Variants in DLGAP5 observed in about 807,000 individuals in gnomAD.
The protein encoded by DLGAP5 is DLG associated protein 5, also known as disks large-associated protein 5.
DLGAP5 carries 90 observed loss-of-function variants against 99.6 expected under a neutral mutation model. The observed-to-expected ratio is 0.90, with a 90% CI of 0.76 to 1.08. The LOEUF (loss-of-function observed/expected upper bound fraction) is 1.08. DLGAP5 is among the 50% of genes least tolerant of loss of function. The probability of loss-of-function intolerance (pLI) is 0.00; values close to 1 mark genes in which losing one functional copy is unlikely to be tolerated. For synonymous variants in DLGAP5, 311 were observed against 321.3 expected, an observed-to-expected ratio of 0.97 and a Z score of 0.34; for missense variants, 1,036 against 983.5, an observed-to-expected ratio of 1.05 and a Z score of -0.71.
intron 7 of DLGAP5, among the ~76,000 whole-genome samples, chr14:55,178,158 A>C (rs907984997): frequency 6.6e-6 from 1 of 151,952 alleles, no homozygotes; most frequent in African/African-American, 2.4e-5. Flanking sequence ...AGGCTGAGGC[A>C]GGAGAATGGT....
At chr14:55,164,642 C>T (rs984187670) in intron 12 of DLGAP5, among the ~76,000 whole-genome samples, 2 of 152,018 alleles carry the variant, frequency 1.3e-5, no homozygotes, top group African/African-American at 4.8e-5. Context: ...AAAAAAATGG[C>T]CGGGTGCAGT....
rs141808593 is a variant in DLGAP5, at chr14:55,176,567, A to G, written c.1049+495T>C. On this transcript the variant is annotated intron_variant, in intron 8 of 18. Transcript: ENST00000247191. Reference sequence around the variant, plus strand: ...AAATAACAATGCATAGGAAATATAAAAACTGTCAATTACATTATTGTACCT... The same window carrying G: ...AAATAACAATGCATAGGAAATATAAGAACTGTCAATTACATTATTGTACCT... Among the ~76,000 whole-genome samples, 201 of 152,170 alleles carry G rather than the reference A, an allele frequency of 1.3e-3. 1 individual carries two copies. The highest frequency in any genetic ancestry group is 4.8e-3 in the African/African-American group (197 of 41,444).
intron 15 of DLGAP5, among the ~76,000 whole-genome samples, chr14:55,154,264 A>T (rs1882123473): frequency 6.6e-6 from 1 of 152,120 alleles, no homozygotes; most frequent in Non-Finnish European, 1.5e-5. Context: ...AAGTGAAGCT[A>T]AAGAGAATTA....
intron 13 of DLGAP5, among the ~76,000 whole-genome samples, chr14:55,162,549 G>A (rs1882482850): frequency 1.3e-5 from 2 of 152,006 alleles, no homozygotes; most frequent in Non-Finnish European, 1.5e-5. Context: ...AACCCGGGAG[G>A]CGGAGCTGGC....
intron 11 of DLGAP5, among the ~76,000 whole-genome samples, chr14:55,170,501 A>G (rs1479171608): frequency 2.0e-5 from 3 of 152,242 alleles, no homozygotes; most frequent in Non-Finnish European, 4.4e-5. Context: ...CCATTTTAGC[A>G]CAGATGTTAG....
chr14:55,175,072 C>T lies in DLGAP5; in HGVS notation c.1301+274G>A, dbSNP rs1224944430. Among the ~76,000 whole-genome samples, 7 of 152,258 alleles carry T rather than the reference C, an allele frequency of 4.6e-5. No homozygotes were observed. In the East Asian group the frequency reaches 7.7e-4, roughly 17 times the overall value. On this transcript the variant is annotated intron_variant, in intron 10 of 18. Coordinates refer to ENST00000247191, the MANE Select transcript of DLGAP5 (RefSeq NM_014750.5). ...CATGAACTATCCATGGAAGTATTCACAAGAAATGAGTAACACTTGCCTTCA... is the reference window on the plus strand; with the variant it reads ...CATGAACTATCCATGGAAGTATTCATAAGAAATGAGTAACACTTGCCTTCA...
At chr14:55,189,462 T>C (rs1362880367) in intron 1 of DLGAP5, among the ~76,000 whole-genome samples, 1 of 150,734 alleles carries the variant, frequency 6.6e-6, no homozygotes, top group Admixed American at 6.6e-5. Flanking sequence ...CAGAGAACAC[T>C]GCAAAAAGAA....
rs542707136 is a variant in DLGAP5, at chr14:55,160,620, T to C, written c.1654-1879A>G. ...CCGCCACCATGCCTGGCTAATTTTT[T>C]ATTTTTAGTAGAGACAGGGTACACC... On this transcript the variant is annotated intron_variant, in intron 13 of 18. Transcript: ENST00000247191. Among the ~76,000 whole-genome samples the C allele has an allele frequency of 2.2e-3, 331 of 151,682 alleles. 1 individual carries two copies. Among genetic ancestry groups the C allele is most frequent in the Non-Finnish European group, 3.7e-3 (252 of 67,874 alleles).
chr14:55,183,782 A>G lies in DLGAP5; in HGVS notation c.239-29T>C, dbSNP rs182758902. 1.9e-3 allele frequency: 2,796 copies of G among 1,509,296 alleles called. 5 individuals carry two copies. Among genetic ancestry groups the G allele is most frequent in the Non-Finnish European group, 2.2e-3 (2,531 of 1,131,924 alleles). The allele number at this position is 1,509,296 out of a possible 1,614,324, so 93.5% of individuals were successfully genotyped here. A position where few individuals can be genotyped will look rare whatever the true frequency, so the allele number is the denominator to read the frequency against. ...GGCAGAAAAAAAACCAAAACCACAC[A>G]GTATATAAAACATTTCAGATGAAAA... On this transcript the variant is annotated intron_variant, in intron 2 of 18. Transcript: ENST00000247191.
intron 9 of DLGAP5, 69 bp downstream of exon 9, chr14:55,175,825 A>T: frequency 7.4e-7 from 1 of 1,344,442 alleles, no homozygotes; most frequent in Non-Finnish European, 1.0e-6. Context: ...TAATTACTAT[A>T]CCTGAAAGCA....
intron 10 of DLGAP5, among the ~76,000 whole-genome samples, chr14:55,175,030 A>G (rs116359248): frequency 6.6e-6 from 1 of 152,188 alleles, no homozygotes; most frequent in Non-Finnish European, 1.5e-5. Context: ...TGTACATGTT[A>G]TATTTGTCTA....
chr14:55,169,274 T>TATTTTATTATTACATTATATTTTATTAAA (rs2140316896), intron 12 of DLGAP5, 125 bp downstream of exon 12: 1 of 544,362 alleles, frequency 1.8e-6, no homozygotes, highest in East Asian at 3.4e-5. Flanking sequence ...TCAAAGTGCT[T>TATTTTATTATTACATTATATTTTATTAAA]TATAACATCT....
chr14:55,156,876 G>A (rs1412230996), intron 14 of DLGAP5, among the ~76,000 whole-genome samples: 1 of 152,168 alleles, frequency 6.6e-6, no homozygotes, highest in Non-Finnish European at 1.5e-5. Context: ...AAGGGCTCTT[G>A]GGAATTAAAA....
chr14:55,177,171 A>G lies in DLGAP5; in HGVS notation c.940T>C (p.Phe314Leu). The G allele has an allele frequency of 1.2e-6, 2 of 1,612,672 alleles. No individual in the cohort carries two copies. Among genetic ancestry groups the G allele is most frequent in the Non-Finnish European group, 1.7e-6 (2 of 1,179,608 alleles). The change falls in exon 8 of 19, where the codon TTT (phenylalanine) becomes CTT (leucine). Residue 314 changes from phenylalanine to leucine, a missense_variant. Physicochemically the swap from Phe to Leu is conservative, Grantham distance 22 (BLOSUM62 0). Transcript: ENST00000247191. ...GTCTTCAGACCATCCAGTGGCTGAAACATAAAATCCTTAGGTGCAAAGGAA... is the reference window on the plus strand; with the variant it reads ...GTCTTCAGACCATCCAGTGGCTGAAGCATAAAATCCTTAGGTGCAAAGGAA... ...KNSFAPKDFM[F>L]QPLDGLKTYQ...
At chr14:55,164,702 A>C (rs901418103) in intron 12 of DLGAP5, among the ~76,000 whole-genome samples, 3 of 152,074 alleles carry the variant, frequency 2.0e-5, no homozygotes, top group African/African-American at 7.2e-5. Flanking sequence ...CAGGTGGATC[A>C]CTTGAGGTCA....
At position 55,189,183 on chromosome 14, in the gene DLGAP5, G is replaced by C. The variant is rs926445511; in HGVS notation, c.-1-3C>G. On this transcript the variant is annotated splice_region_variant and splice_polypyrimidine_tract_variant and intron_variant, in intron 1 of 18. Transcript: ENST00000247191. ...TGGCAAAATGTGATGAAGACATCCTGTCAAGGAAAAGGACAAAACCCAACT... is the reference window on the plus strand; with the variant it reads ...TGGCAAAATGTGATGAAGACATCCTCTCAAGGAAAAGGACAAAACCCAACT... 6.2e-7 allele frequency: 1 copy of C among 1,608,558 alleles called. No homozygotes were observed. The highest frequency in any genetic ancestry group is 8.5e-7 in the Non-Finnish European group (1 of 1,176,822).
chr14:55,170,716 T>C lies in DLGAP5; in HGVS notation c.1373A>G (p.Asp458Gly). ...CFEWDRKLEL[D>G]IPDDAKDLIR... ...TGTTGCCTCACCATCATCTGGAATG[T>C]CCAATTCAAGTTTCCTGTCCCACTC... Residue 458 changes from aspartate to glycine, a missense_variant, in exon 11 of 19, where the codon GAC becomes GGC. Transcript: ENST00000247191. 3.1e-6 allele frequency: 5 copies of C among 1,613,308 alleles called. No individual in the cohort carries two copies. The highest frequency in any genetic ancestry group is 4.2e-6 in the Non-Finnish European group (5 of 1,179,434).
intron 13 of DLGAP5, among the ~76,000 whole-genome samples, chr14:55,159,277 T>C (rs1417506886): frequency 6.6e-6 from 1 of 152,134 alleles, no homozygotes; most frequent in South Asian, 2.1e-4. Flanking sequence ...ATTTAAACAA[T>C]AGCTAGATTA....
At chr14:55,157,456 A>G (rs1882253064) in intron 14 of DLGAP5, among the ~76,000 whole-genome samples, 1 of 152,202 alleles carries the variant, frequency 6.6e-6, no homozygotes, top group African/African-American at 2.4e-5. Flanking sequence ...GATCACTATA[A>G]ATATCAGATA....
Sources: allele counts gnomAD v4.1 joint callset (sites outside exome capture counted in the v4.1 genomes callset), GRCh38; gene constraint gnomAD v4.1.1; transcripts MANE v1.5; gene names NCBI Gene and HGNC (gene_info 2026-07-23, HGNC 2026-07-21).